DMD: variants seen among roughly 807,000 people sequenced by gnomAD.
The protein encoded by DMD is mutant dystrophin.
Under a neutral mutation model 330.1 loss-of-function variants are expected in DMD, and 63 were observed. That is an observed-to-expected ratio of 0.19 (90% confidence interval 0.16 to 0.24). The LOEUF is 0.24. DMD is among the 10% of genes least tolerant of loss of function. The probability of loss-of-function intolerance (pLI) is 1.00; values close to 1 mark genes in which losing one functional copy is unlikely to be tolerated. For synonymous variants in DMD, 1,223 were observed against 959.8 expected (o/e 1.27, Z -5.07); for missense variants, 3,344 against 2,684.1 (o/e 1.25, Z -5.43).
At chrX:32,749,762 T>G (rs1473667242) in intron 7 of DMD, among the ~76,000 whole-genome samples, 2 of 112,269 alleles carry the variant, frequency 1.8e-5, no homozygotes, top group Non-Finnish European at 3.8e-5. Context: ...AAGGCAGAAC[T>G]ACGTAAAATT....
At chrX:32,876,486 T>A (rs1179074316) in intron 2 of DMD, among the ~76,000 whole-genome samples, 4 of 111,783 alleles carry the variant, frequency 3.6e-5, no homozygotes, top group Non-Finnish European at 7.5e-5. Context: ...CACCAACACC[T>A]TTCTTCAAGG....
chrX:31,679,282 C>G, intron 53 of DMD, 93 bp downstream of exon 53: 21 of 812,365 alleles, frequency 2.6e-5, no homozygotes, highest in Non-Finnish European at 3.2e-5. Context: ...CTGTTAATAA[C>G]TTTACATTAA....
Position 32,468,562 on chromosome X carries a change from G to A in DMD, c.3098C>T (p.Ser1033Phe), listed in dbSNP as rs377415288. ...EEIEGRWKKL[S>F]SQLVEHCQKL... ...TTGACAATGCTCAACCAGCTGGGAG[G>A]AGAGCTTCTTCCAGCGTCCCTCAAT... Residue 1033 changes from serine to phenylalanine, a missense_variant, in exon 23 of 79, where the codon TCC (serine) becomes TTC (phenylalanine). Ser to Phe is a radical substitution (Grantham distance 155). Coordinates refer to ENST00000357033, the MANE Select transcript of DMD (RefSeq NM_004006.3). 5.8e-6 allele frequency: 7 copies of A among 1,208,494 alleles called. No individual in the cohort carries two copies. Among genetic ancestry groups the A allele is most frequent in the Non-Finnish European group, 6.7e-6 (6 of 894,553 alleles).
intron 9 of DMD, among the ~76,000 whole-genome samples, chrX:32,649,398 C>CA (rs1285340509): frequency 9.3e-6 from 1 of 107,184 alleles, no homozygotes; most frequent in Non-Finnish European, 1.9e-5. Flanking sequence ...ACTAAAAATA[C>CA]AAAAAATTAG....
chrX:32,654,569 T>G (rs1228718073), intron 9 of DMD, among the ~76,000 whole-genome samples: 3 of 110,753 alleles, frequency 2.7e-5, no homozygotes, highest in East Asian at 2.8e-4. Flanking sequence ...TTATTGAGGA[T>G]TTTTGCATCA....
chrX:32,287,746 T>C, intron 42 of DMD, 45 bp from the exon 43 acceptor site: 1 of 944,092 alleles, frequency 1.1e-6, no homozygotes, highest in South Asian at 2.4e-5. Flanking sequence ...GAATTAGCTG[T>C]CTATAGAAAG....
At chrX:33,124,041 C>T (rs1158273352) in intron 1 of DMD, among the ~76,000 whole-genome samples, 1 of 109,279 alleles carries the variant, frequency 9.2e-6, no homozygotes, top group Non-Finnish European at 1.9e-5. Context: ...GTGGCGAATG[C>T]TTATATCCCA....
intron 18 of DMD, among the ~76,000 whole-genome samples, chrX:32,504,135 A>G (rs1380662940): frequency 8.9e-6 from 1 of 112,224 alleles, no homozygotes; most frequent in Non-Finnish European, 1.9e-5. Flanking sequence ...CATGCAAAAA[A>G]GTTTATCTAG....
chrX:31,943,987 G>A (rs112588585), intron 45 of DMD, among the ~76,000 whole-genome samples: 8,131 of 109,298 alleles, frequency 0.074, 285 homozygotes, highest in East Asian at 0.16. Context: ...GGGTATTTCC[G>A]TTTCACTTAT....
intron 7 of DMD, among the ~76,000 whole-genome samples, chrX:32,711,021 A>G (rs1301355370): frequency 8.9e-6 from 1 of 111,915 alleles, no homozygotes; most frequent in East Asian, 2.8e-4. Context: ...CATATTTGGA[A>G]AGCAACTCCC....
At chrX:31,922,097 C>A (rs1245317959) in intron 47 of DMD, among the ~76,000 whole-genome samples, 1 of 111,378 alleles carries the variant, frequency 9.0e-6, no homozygotes, top group Non-Finnish European at 1.9e-5. Context: ...CCTCGCCTTT[C>A]AGATTATAGG....
chrX:31,949,258 T>C (rs897082345), intron 45 of DMD, among the ~76,000 whole-genome samples: 3 of 111,284 alleles, frequency 2.7e-5, no homozygotes, highest in Non-Finnish European at 5.7e-5. Context: ...ATCACTACCT[T>C]ATCAGTATTG....
intron 59 of DMD, among the ~76,000 whole-genome samples, chrX:31,448,478 T>C (rs1402948102): frequency 1.8e-5 from 2 of 112,016 alleles, no homozygotes; most frequent in South Asian, 3.8e-4. Context: ...ACAGGTACTT[T>C]GCTATTTAAA....
At chrX:31,380,422 A>G (rs1370675207) in intron 60 of DMD, among the ~76,000 whole-genome samples, 18 of 109,313 alleles carry the variant, frequency 1.6e-4, no homozygotes, top group Non-Finnish European at 2.3e-4. Context: ...CTCCCTCCTT[A>G]GCGACCAATC....
Position 32,508,122 on chromosome X carries a change from C to T in DMD, c.2293-6280G>A, listed in dbSNP as rs758915281. Among the ~76,000 whole-genome samples, 6 of 111,042 alleles carry T rather than the reference C, an allele frequency of 5.4e-5. No individual in the cohort carries two copies. The South Asian group carries it at 2.4e-3, about 44-fold the overall frequency. ...AGATATCACAAGGAATGCCGGGTCA[C>T]TCAGAATGGTCTCTGACAGTCTATA... is the stretch of plus-strand genomic sequence containing the variant. On this transcript the variant is annotated intron_variant, in intron 18 of 78. Transcript: ENST00000357033.
chrX:31,183,506 T>C (rs2041387684), intron 67 of DMD, among the ~76,000 whole-genome samples: 1 of 111,560 alleles, frequency 9.0e-6, no homozygotes, highest in Non-Finnish European at 1.9e-5. Flanking sequence ...TGATGCCCTG[T>C]TGATTCTGTC....
chrX:31,523,085 G>A (rs2072976266), intron 55 of DMD, among the ~76,000 whole-genome samples: 1 of 111,157 alleles, frequency 9.0e-6, no homozygotes, highest in Non-Finnish European at 1.9e-5. Flanking sequence ...TCCACTCTGA[G>A]AGATCATGAT....
chrX:32,475,110 G>C (rs1359336310), intron 21 of DMD, among the ~76,000 whole-genome samples: 5 of 111,006 alleles, frequency 4.5e-5, no homozygotes, highest in African/African-American at 1.6e-4. Context: ...TGATGAAAAG[G>C]GTGTCCTTTC....
intron 7 of DMD, among the ~76,000 whole-genome samples, chrX:32,730,969 C>A (rs762588816): frequency 9.0e-6 from 1 of 111,680 alleles, no homozygotes; most frequent in Non-Finnish European, 1.9e-5. Context: ...ACGCAGAAGA[C>A]GGGTGATTTC....
Sources: gnomAD v4.1 joint callset for allele counts (sites outside exome capture counted in the v4.1 genomes callset) on GRCh38, gnomAD v4.1.1 for gene constraint, MANE v1.5 for transcripts, NCBI Gene and HGNC (gene_info 2026-07-23, HGNC 2026-07-21) for gene names.